The following PMP22 variants were observed in gnomAD, a reference collection of about 807,000 sequenced individuals.
PMP22 encodes Charcot-Marie-Tooth neuropathy 1A (greatly reduced nerve conduction velocity, hereditary motor sensory neuropathy Ia).
Under a neutral mutation model 18.9 loss-of-function variants are expected in PMP22, and 2 were observed. The observed-to-expected ratio is 0.11, with a 90% CI of 0.04 to 0.33. PMP22 has a LOEUF of 0.33. Among genes scored for constraint, PMP22 ranks in the 10% least tolerant of loss-of-function variants. PMP22 has a pLI of 1.00. For synonymous variants in PMP22, 95 were observed against 89.2 expected (o/e 1.07, Z -0.37); for missense variants, 169 against 202.2 (o/e 0.84, Z 1.00).
At chr17:15,241,960 G>A (rs1907361953) in intron 3 of PMP22, among the ~76,000 whole-genome samples, 1 of 152,134 alleles carries the variant, frequency 6.6e-6, no homozygotes, top group East Asian at 1.9e-4. Context: ...ATGTGAATGG[G>A]TTCAAGGCAC....
chr17:15,234,472 T>C (rs1906620701), intron 4 of PMP22, among the ~76,000 whole-genome samples: 1 of 152,154 alleles, frequency 6.6e-6, no homozygotes, highest in African/African-American at 2.4e-5. Context: ...AGCTATGATG[T>C]TGGGTTGATG....
chr17:15,257,634 C>T (rs1424181507), intron 3 of PMP22, among the ~76,000 whole-genome samples: 1 of 152,210 alleles, frequency 6.6e-6, no homozygotes, highest in Non-Finnish European at 1.5e-5. Flanking sequence ...AGCAGTGCTA[C>T]GGTCACATTC....
Position 15,239,508 on chromosome 17 carries a change from G to A in PMP22, c.282C>T (p.Gly94=), listed in dbSNP as rs750868826. The change falls in exon 4 of 5, where the codon GGC becomes GGT. Residue 94 remains glycine (G), a synonymous_variant. Coordinates refer to ENST00000312280, the MANE Select transcript of PMP22 (RefSeq NM_000304.4). ...FCQLFTLTKG[G]RFYITGIFQI... Reference sequence around the variant, plus strand: ...GGAAGATTCCAGTGATGTAAAACCTGCCCCCCTTGGTGAGGGTGAAGAGTT... The same window carrying A: ...GGAAGATTCCAGTGATGTAAAACCTACCCCCCTTGGTGAGGGTGAAGAGTT... 7 of 1,614,028 alleles carry A rather than the reference G, an allele frequency of 4.3e-6. No homozygotes were observed. Among genetic ancestry groups the A allele is most frequent in the Non-Finnish European group, 5.9e-6 (7 of 1,179,988 alleles).
At chr17:15,238,845 T>C (rs1042860253) in intron 4 of PMP22, among the ~76,000 whole-genome samples, 1 of 152,218 alleles carries the variant, frequency 6.6e-6, no homozygotes, top group African/African-American at 2.4e-5. Context: ...AGACCTCTCA[T>C]GTGTTTTCAT....
At chr17:15,231,171 A>G (rs1906315332) in intron 4 of PMP22, 91 bp from the exon 5 acceptor site, 1 of 1,276,900 alleles carries the variant, frequency 7.8e-7, no homozygotes, top group South Asian at 1.2e-5. Flanking sequence ...ATTGCTGGGT[A>G]GGAAGAACAT....
chr17:15,256,282 A>ATT, intron 3 of PMP22, among the ~76,000 whole-genome samples: 1 of 152,186 alleles, frequency 6.6e-6, no homozygotes, highest in Admixed American at 6.5e-5. Context: ...AAACAACATG[A>ATT]GTGGCAACCC....
intron 3 of PMP22, among the ~76,000 whole-genome samples, chr17:15,245,667 C>A (rs1907736426): frequency 6.6e-6 from 1 of 152,020 alleles, no homozygotes; most frequent in African/African-American, 2.4e-5. Context: ...TATTGAGGGG[C>A]CAGGTTCTGG....
intron 4 of PMP22, chr17:15,235,155 T>A (rs1048496033): frequency 9.8e-6 from 7 of 715,514 alleles, no homozygotes; most frequent in Non-Finnish European, 1.8e-5. Flanking sequence ...ATAGCTATAT[T>A]GATCTTTCTA....
intron 2 of PMP22, among the ~76,000 whole-genome samples, chr17:15,259,867 G>A (rs1909155442): frequency 6.7e-6 from 1 of 149,434 alleles, no homozygotes. Context: ...GAACCCGGAA[G>A]GCAGAGGTTG....
chr17:15,239,535 G>C lies in PMP22; in HGVS notation c.255C>G (p.Cys85Trp), dbSNP rs755701957. The change falls in exon 4 of 5, where the codon TGC becomes TGG. Residue 85 changes from cysteine (C) to tryptophan (W), a missense_variant. Transcript: ENST00000312280. Reference protein sequence around the residue: ...FSILSLFLFFCQLFTLTKGGR... With the variant: ...FSILSLFLFFWQLFTLTKGGR... ...CCCCCTTGGTGAGGGTGAAGAGTTG[G>C]CAGAAGAACAGGAACAGAGACAGAA... 5.8e-5 allele frequency: 94 copies of C among 1,613,930 alleles called. No homozygotes were observed. Among genetic ancestry groups the C allele is most frequent in the African/African-American group, 8.0e-5 (6 of 74,936 alleles).
At position 15,231,020 on chromosome 17, in the gene PMP22, T is replaced by G. The variant is rs1345860559; in HGVS notation, c.380A>C (p.Asn127Thr). 2 of 1,613,946 alleles carry G rather than the reference T, an allele frequency of 1.2e-6. No homozygotes were observed. The highest frequency in any genetic ancestry group is 8.5e-7 in the Non-Finnish European group (1 of 1,179,980). The change falls in exon 5 of 5, where the codon AAC becomes ACC. Residue 127 changes from asparagine (N) to threonine (T), a missense_variant. Physicochemically the swap from Asn to Thr is moderately conservative, Grantham distance 65. Coordinates refer to ENST00000312280, the MANE Select transcript of PMP22 (RefSeq NM_000304.4). ...GGCGAAACCGTAGGAGTAATCCGAGTTGAGATGCCACTCCGGGTGCCTCAC... is the reference window on the plus strand; with the variant it reads ...GGCGAAACCGTAGGAGTAATCCGAGGTGAGATGCCACTCCGGGTGCCTCAC... ...YTVRHPEWHLNSDYSYGFAYI... is the reference protein window; with the variant it reads ...YTVRHPEWHLTSDYSYGFAYI...
intron 3 of PMP22, among the ~76,000 whole-genome samples, chr17:15,241,394 A>G (rs546818512): frequency 6.6e-6 from 1 of 152,314 alleles, no homozygotes; most frequent in Admixed American, 6.5e-5. Flanking sequence ...CTGGAATTAC[A>G]AAGAAATCTG....
chr17:15,241,948 A>T (rs1328505705), intron 3 of PMP22, among the ~76,000 whole-genome samples: 1 of 152,142 alleles, frequency 6.6e-6, no homozygotes, highest in Admixed American at 6.5e-5. Flanking sequence ...CAACCACATT[A>T]TATGTGAATG....
At chr17:15,239,666 T>G (rs2150677043) in intron 3 of PMP22, 55 bp from the exon 4 acceptor site, 1 of 1,594,248 alleles carries the variant, frequency 6.3e-7, no homozygotes, top group Non-Finnish European at 8.6e-7. Context: ...GGGAGGGCTC[T>G]GCCTCGAGGT....
intron 3 of PMP22, among the ~76,000 whole-genome samples, chr17:15,242,251 C>CAAAAAAAAAAAAAAAAAAAAAAAAA (rs59075019): frequency 1.8e-5 from 1 of 54,778 alleles, no homozygotes; most frequent in African/African-American, 6.7e-5. Flanking sequence ...GACTCTGTCT[C>CAAAAAAAAAAAAAAAAAAAAAAAAA]AAAAAAAAAA....
At chr17:15,254,586 G>T (rs1350812636) in intron 3 of PMP22, among the ~76,000 whole-genome samples, 1 of 152,184 alleles carries the variant, frequency 6.6e-6, no homozygotes, top group Non-Finnish European at 1.5e-5. Context: ...GCCTCTCTTA[G>T]ATATCCCAAG....
chr17:15,233,773 A>G (rs1032402996), intron 4 of PMP22, among the ~76,000 whole-genome samples: 24 of 152,206 alleles, frequency 1.6e-4, no homozygotes, highest in Admixed American at 1.2e-3. Context: ...GTTCGATGGA[A>G]TTTCGAGAGA....
intron 3 of PMP22, among the ~76,000 whole-genome samples, chr17:15,243,871 A>C (rs2150683585): frequency 6.6e-6 from 1 of 151,270 alleles, no homozygotes; most frequent in South Asian, 2.1e-4. Flanking sequence ...GCAATTCAAA[A>C]ATATGGTGTT....
intron 3 of PMP22, among the ~76,000 whole-genome samples, chr17:15,245,983 T>C (rs1342745733): frequency 6.8e-6 from 1 of 147,860 alleles, no homozygotes; most frequent in Non-Finnish European, 1.5e-5. Flanking sequence ...ACTGCGCCAC[T>C]GCACTCCAGC....
Sources: gnomAD v4.1 joint callset for allele counts (sites outside exome capture counted in the v4.1 genomes callset) on GRCh38, gnomAD v4.1.1 for gene constraint, MANE v1.5 for transcripts, NCBI Gene and HGNC (gene_info 2026-07-23, HGNC 2026-07-21) for gene names.